PLXNA4: variants seen among roughly 807,000 people sequenced by gnomAD.
The protein encoded by PLXNA4 is plexin A4, also known as plexin-A4.
In PLXNA4, 44 loss-of-function variants were observed where a neutral mutation model predicts 191.8. The ratio of observed to expected loss-of-function variants is 0.23; its 90% CI spans 0.18 to 0.29. PLXNA4 has a LOEUF of 0.29. Ranked by LOEUF, PLXNA4 falls within the 10% of genes least tolerant of loss-of-function variation. The pLI, the probability that PLXNA4 is intolerant of heterozygous loss-of-function variation, is 1.00. For synonymous variants in PLXNA4, 1,082 were observed against 1,009.5 expected, an observed-to-expected ratio of 1.07 and a Z score of -1.36; for missense variants, 1,800 against 2,488.8, an observed-to-expected ratio of 0.72 and a Z score of 5.89.
intron 3 of PLXNA4, among the ~76,000 whole-genome samples, chr7:132,365,328 C>T (rs1056958059): frequency 3.7e-4 from 53 of 143,074 alleles, no homozygotes; most frequent in East Asian, 1.9e-3. Flanking sequence ...CTACGGCCCG[C>T]GTGTGTGTGT....
chr7:132,525,291 C>T (rs1478813673), intron 1 of PLXNA4, among the ~76,000 whole-genome samples: 1 of 152,162 alleles, frequency 6.6e-6, no homozygotes, highest in Non-Finnish European at 1.5e-5. Flanking sequence ...TCGCTGTCAC[C>T]GAGGCTGGCA....
intron 4 of PLXNA4, among the ~76,000 whole-genome samples, chr7:132,281,746 A>T (rs1268613405): frequency 6.6e-6 from 1 of 152,230 alleles, no homozygotes; most frequent in Admixed American, 6.5e-5. Flanking sequence ...ATACTCTGAC[A>T]GCTGCTTGTC....
intron 20 of PLXNA4, among the ~76,000 whole-genome samples, chr7:132,176,877 T>C (rs1197030157): frequency 6.6e-6 from 1 of 151,680 alleles, no homozygotes; most frequent in African/African-American, 2.4e-5. Flanking sequence ...CATGTGTGAG[T>C]GCATGCGTCT....
rs1794778402 is a variant in PLXNA4 at position 132,126,732 on chromosome 7, A to AAGCTC, written c.*3742_*3746dup. 1 of 152,380 alleles carries AAGCTC rather than the reference A, an allele frequency of 6.6e-6. No individual in the cohort carries two copies. Among genetic ancestry groups the AAGCTC allele is most frequent in the Non-Finnish European group, 1.5e-5 (1 of 68,084 alleles). 9.4% of individuals were successfully genotyped at this position (152,380 alleles called of 1,614,324 possible). A position where few individuals can be genotyped will look rare whatever the true frequency, so the allele number is the denominator to read the frequency against. On this transcript the variant is annotated 3_prime_UTR_variant, in exon 32 of 32. Coordinates refer to ENST00000321063, the MANE Select transcript of PLXNA4 (RefSeq NM_020911.2). ...CACTTGTAGCTCCTCACAAGCAGCC[A>AAGCTC]AGCTCACTTACCAGGCTGCGGGTGC... is the stretch of plus-strand genomic sequence containing the variant.
At chr7:132,546,827 C>A (rs1444765774) in intron 1 of PLXNA4, among the ~76,000 whole-genome samples, 2 of 152,154 alleles carry the variant, frequency 1.3e-5, no homozygotes, top group East Asian at 3.9e-4. Flanking sequence ...AGGGCAGGGA[C>A]TTTGTAACTT....
chr7:132,261,143 G>A (rs980012385), intron 4 of PLXNA4, among the ~76,000 whole-genome samples: 11 of 152,040 alleles, frequency 7.2e-5, no homozygotes, highest in South Asian at 2.1e-4. Flanking sequence ...GCTCTCACAC[G>A]GCCAAATCTG....
At chr7:132,525,110 T>A (rs552840758) in intron 1 of PLXNA4, among the ~76,000 whole-genome samples, 39 of 152,262 alleles carry the variant, frequency 2.6e-4, no homozygotes, top group African/African-American at 9.1e-4. Context: ...CCATTCTACA[T>A]TCTATGTCTA....
chr7:132,548,652 AG>A (rs1800414751), intron 1 of PLXNA4, among the ~76,000 whole-genome samples: 1 of 152,370 alleles, frequency 6.6e-6, no homozygotes, highest in Admixed American at 6.5e-5. Context: ...TAGTTTGCAG[AG>A]TAAAATATAC....
At chr7:132,646,870 AAC>A (rs1803879472) in intron 1 of PLXNA4, among the ~76,000 whole-genome samples, 2 of 151,976 alleles carry the variant, frequency 1.3e-5, no homozygotes, top group African/African-American at 4.8e-5. Flanking sequence ...TACACTCACA[AAC>A]ACATGCTATC....
At chr7:132,557,150 G>C (rs552675525) in intron 1 of PLXNA4, among the ~76,000 whole-genome samples, 6 of 152,292 alleles carry the variant, frequency 3.9e-5, no homozygotes, top group African/African-American at 1.4e-4. Context: ...TTGACATTGG[G>C]CTTTGCTATC....
intron 3 of PLXNA4, among the ~76,000 whole-genome samples, chr7:132,408,367 T>G (rs1563082272): frequency 6.6e-6 from 1 of 152,124 alleles, no homozygotes; most frequent in Non-Finnish European, 1.5e-5. Flanking sequence ...GGGGTGCAGT[T>G]TTTACATTTC....
chr7:132,383,632 A>G, intron 3 of PLXNA4: 1 of 982,748 alleles, frequency 1.0e-6, no homozygotes, highest in Non-Finnish European at 1.2e-6. Flanking sequence ...ATGACTACAT[A>G]AATATACCAA....
intron 3 of PLXNA4, among the ~76,000 whole-genome samples, chr7:132,332,987 T>C (rs1025643211): frequency 2.0e-5 from 3 of 152,224 alleles, no homozygotes; most frequent in Non-Finnish European, 4.4e-5. Flanking sequence ...TTACTCTTTC[T>C]TGCTCTCTCT....
At chr7:132,213,782 C>T (rs1797877380) in intron 9 of PLXNA4, among the ~76,000 whole-genome samples, 1 of 152,106 alleles carries the variant, frequency 6.6e-6, no homozygotes, top group Admixed American at 6.5e-5. Context: ...CCTGAAGCAG[C>T]AAGGAGCCTG....
chr7:132,272,278 A>C (rs925225665), intron 4 of PLXNA4, among the ~76,000 whole-genome samples: 2 of 152,252 alleles, frequency 1.3e-5, no homozygotes, highest in African/African-American at 4.8e-5. Flanking sequence ...GCCTTAAATC[A>C]GGACATTAAT....
Position 132,164,277 on chromosome 7 carries a change from C to A in PLXNA4, c.4365G>T (p.Gly1455=), listed in dbSNP as rs755739134. ...CACAGAACAGGGAGAAGAGGGGCTC[C>A]CCAGCACACTCCTGGAGGTGAGAAG... ...LLYKFLKECA[G]EPLFSLFCAI... Residue 1455 remains glycine, a synonymous_variant, in exon 24 of 32, where the codon GGG becomes GGT. Coordinates refer to ENST00000321063, the MANE Select transcript of PLXNA4 (RefSeq NM_020911.2). The A allele has an allele frequency of 1.2e-6, 2 of 1,614,156 alleles. No homozygotes were observed. The highest frequency in any genetic ancestry group is 3.3e-5 in the Admixed American group (2 of 60,024).
At chr7:132,342,052 G>T (rs1411234139) in intron 3 of PLXNA4, among the ~76,000 whole-genome samples, 1 of 151,604 alleles carries the variant, frequency 6.6e-6, no homozygotes, top group East Asian at 2.0e-4. Context: ...GAGGCAGGGG[G>T]TGACATTAAC....
intron 24 of PLXNA4, among the ~76,000 whole-genome samples, chr7:132,163,492 G>A (rs570134859): frequency 3.9e-5 from 6 of 152,316 alleles, no homozygotes; most frequent in Admixed American, 1.3e-4. Flanking sequence ...CCTGTTGGTC[G>A]AAGGCAGAGC....
rs10535106 is a variant in PLXNA4, at chr7:132,384,745, TACACACACACACAC to T, written c.1372-86537_1372-86524del. ...ACACACCTTTAAACACAGATAAGCATACACACACACACACACACACACACACACACACACACACA... is the reference window on the plus strand; with the variant it reads ...ACACACCTTTAAACACAGATAAGCATACACACACACACACACACACACACA... On this transcript the variant is annotated intron_variant, in intron 3 of 31. Coordinates refer to ENST00000321063, the MANE Select transcript of PLXNA4 (RefSeq NM_020911.2). 407 of 995,220 alleles carry T rather than the reference TACACACACACACAC, an allele frequency of 4.1e-4. 1 individual carries two copies. Among genetic ancestry groups the T allele is most frequent in the South Asian group, 3.3e-3 (83 of 25,278 alleles). 61.6% of individuals were successfully genotyped at this position (995,220 alleles called of 1,614,324 possible).
Sources: allele counts gnomAD v4.1 joint callset (sites outside exome capture counted in the v4.1 genomes callset), GRCh38; gene constraint gnomAD v4.1.1; transcripts MANE v1.5; gene names NCBI Gene and HGNC (gene_info 2026-07-23, HGNC 2026-07-21).